Variants in ARHGAP42 observed in about 807,000 individuals in gnomAD.
ARHGAP42 encodes the protein rho GTPase-activating protein 42.
Under a neutral mutation model 125.0 loss-of-function variants are expected in ARHGAP42, and 63 were observed. The observed-to-expected ratio is 0.50, with a 90% CI of 0.41 to 0.62. The LOEUF (loss-of-function observed/expected upper bound fraction) is 0.62. ARHGAP42 is among the 20% of genes least tolerant of loss of function. The pLI, the probability that ARHGAP42 is intolerant of heterozygous loss-of-function variation, is 0.00. For missense variants in ARHGAP42, 766 were observed against 1,024.2 expected, an observed-to-expected ratio of 0.75 and a Z score of 3.44; for synonymous variants, 339 against 351.0, an observed-to-expected ratio of 0.97 and a Z score of 0.38.
chr11:100,871,754 T>C (rs1865701593), intron 4 of ARHGAP42, among the ~76,000 whole-genome samples: 1 of 151,950 alleles, frequency 6.6e-6, no homozygotes, highest in South Asian at 2.1e-4. Flanking sequence ...TCATTTGTTC[T>C]TTTTTTTAGA....
chr11:100,844,771 T>A (rs1865023162), intron 3 of ARHGAP42, among the ~76,000 whole-genome samples: 1 of 151,986 alleles, frequency 6.6e-6, no homozygotes, highest in Non-Finnish European at 1.5e-5. Context: ...ATGGCCATAA[T>A]CAAAAATTCA....
chr11:100,922,773 T>G (rs927429205), intron 6 of ARHGAP42, among the ~76,000 whole-genome samples: 7 of 152,184 alleles, frequency 4.6e-5, no homozygotes, highest in Non-Finnish European at 1.0e-4. Flanking sequence ...GGTTGGGGAC[T>G]GTTATCAGGC....
intron 12 of ARHGAP42, among the ~76,000 whole-genome samples, chr11:100,952,505 A>G (rs1857684194): frequency 6.6e-6 from 1 of 152,112 alleles, no homozygotes; most frequent in African/African-American, 2.4e-5. Context: ...CTTTTGCATA[A>G]ACTAAACTTA....
chr11:100,723,776 G>A (rs1861806669), intron 1 of ARHGAP42, among the ~76,000 whole-genome samples: 1 of 151,928 alleles, frequency 6.6e-6, no homozygotes, highest in African/African-American at 2.4e-5. Context: ...TATTAGCTAG[G>A]ATTTTTAGTA....
intron 1 of ARHGAP42, among the ~76,000 whole-genome samples, chr11:100,719,057 A>G (rs1314119066): frequency 6.6e-6 from 1 of 152,206 alleles, no homozygotes; most frequent in African/African-American, 2.4e-5. Flanking sequence ...ATCATCCTTC[A>G]AAGAAAATAG....
Position 100,992,673 on chromosome 11 carries a change from T to TTGGGAAAATGCAGGTTTA in ARHGAP42, c.*3875_*3892dup. On this transcript the variant is annotated 3_prime_UTR_variant, in exon 24 of 24. Coordinates refer to ENST00000298815, the MANE Select transcript of ARHGAP42 (RefSeq NM_152432.4). ...GTGCCAGTTCCACTTGGTAATAACGTTGGGAAAATGCAGGTTTATGAATGA... is the reference window on the plus strand; with the variant it reads ...GTGCCAGTTCCACTTGGTAATAACGTTGGGAAAATGCAGGTTTATGGGAAAATGCAGGTTTATGAATGA... 6.3e-7 allele frequency: 1 copy of TTGGGAAAATGCAGGTTTA among 1,598,140 alleles called. No homozygotes were observed. Among genetic ancestry groups the TTGGGAAAATGCAGGTTTA allele is most frequent in the South Asian group, 1.1e-5 (1 of 87,924 alleles).
At chr11:100,722,830 G>A (rs1769288230) in intron 1 of ARHGAP42, among the ~76,000 whole-genome samples, 1 of 152,012 alleles carries the variant, frequency 6.6e-6, no homozygotes, top group African/African-American at 2.4e-5. Context: ...TTTTTCTTTG[G>A]ATCATACTTT....
intron 4 of ARHGAP42, among the ~76,000 whole-genome samples, chr11:100,860,464 T>C (rs1865419161): frequency 6.6e-6 from 1 of 152,060 alleles, no homozygotes; most frequent in Admixed American, 6.6e-5. Context: ...TGGTTCTGCT[T>C]GACAGTTTAA....
intron 3 of ARHGAP42, among the ~76,000 whole-genome samples, chr11:100,819,757 A>C (rs1464878438): frequency 6.6e-6 from 1 of 152,190 alleles, no homozygotes; most frequent in Non-Finnish European, 1.5e-5. Context: ...TGTTAAATAA[A>C]ATCAAATTAT....
chr11:100,856,900 A>C (rs944489326), intron 3 of ARHGAP42, among the ~76,000 whole-genome samples: 1 of 152,068 alleles, frequency 6.6e-6, no homozygotes, highest in Admixed American at 6.6e-5. Flanking sequence ...AAACCTTAAG[A>C]AGTACAGGGA....
At chr11:100,901,100 T>C (rs1396825329) in intron 4 of ARHGAP42, among the ~76,000 whole-genome samples, 5 of 152,184 alleles carry the variant, frequency 3.3e-5, no homozygotes, top group African/African-American at 7.2e-5. Flanking sequence ...TTGTTGATGT[T>C]GATGCTATTC....
At chr11:100,872,634 T>C (rs1865724137) in intron 4 of ARHGAP42, among the ~76,000 whole-genome samples, 1 of 151,978 alleles carries the variant, frequency 6.6e-6, no homozygotes, top group Admixed American at 6.6e-5. Flanking sequence ...GTCAGGTGAT[T>C]TGTCCGCCTC....
At chr11:100,913,187 A>G (rs528226014) in intron 4 of ARHGAP42, among the ~76,000 whole-genome samples, 1 of 152,144 alleles carries the variant, frequency 6.6e-6, no homozygotes, top group Admixed American at 6.5e-5. Context: ...AGTTCCATTT[A>G]CTCCAAAGGA....
intron 6 of ARHGAP42, among the ~76,000 whole-genome samples, chr11:100,928,280 A>G (rs1222612958): frequency 2.0e-5 from 3 of 152,128 alleles, no homozygotes; most frequent in Non-Finnish European, 4.4e-5. Context: ...TGTGTTTGGG[A>G]AGTATTTATT....
At chr11:100,846,825 G>T (rs1182641420) in intron 3 of ARHGAP42, among the ~76,000 whole-genome samples, 1 of 152,116 alleles carries the variant, frequency 6.6e-6, no homozygotes, top group Non-Finnish European at 1.5e-5. Flanking sequence ...TTTAAAAAAT[G>T]AGTAAGAGGT....
chr11:100,965,890 T>A, intron 17 of ARHGAP42, 114 bp downstream of exon 17: 1 of 944,742 alleles, frequency 1.1e-6, no homozygotes, highest in Non-Finnish European at 1.6e-6. Flanking sequence ...TAGAGTCCAT[T>A]GAATTTGCTT....
chr11:100,869,328 A>G (rs1049735415), intron 4 of ARHGAP42, among the ~76,000 whole-genome samples: 1 of 152,084 alleles, frequency 6.6e-6, no homozygotes, highest in African/African-American at 2.4e-5. Context: ...ATTTGAATCC[A>G]AGTCTTTTAA....
chr11:100,988,578 C>T (rs1858748641), intron 23 of ARHGAP42, 135 bp from the exon 24 acceptor site: 4 of 628,646 alleles, frequency 6.4e-6, no homozygotes, highest in South Asian at 4.5e-5. Flanking sequence ...TTTCTGGTAT[C>T]CACAAGGGGT....
intron 4 of ARHGAP42, among the ~76,000 whole-genome samples, chr11:100,899,638 G>T (rs1484948677): frequency 6.7e-6 from 1 of 148,410 alleles, no homozygotes; most frequent in Non-Finnish European, 1.5e-5. Context: ...TTTAAAGTCT[G>T]TTTTATCAGA....
Sources: allele counts gnomAD v4.1 joint callset (sites outside exome capture counted in the v4.1 genomes callset), GRCh38; gene constraint gnomAD v4.1.1; transcripts MANE v1.5; gene names NCBI Gene and HGNC (gene_info 2026-07-23, HGNC 2026-07-21).